NR1H4: variants seen among roughly 807,000 people sequenced by gnomAD.
The protein encoded by NR1H4 is bile acid receptor.
A neutral mutation model predicts 58.5 loss-of-function variants in NR1H4; 23 were observed. The observed-to-expected ratio is 0.39, with a 90% CI of 0.28 to 0.56. NR1H4 has a LOEUF of 0.56. Among genes scored for constraint, NR1H4 ranks in the 20% least tolerant of loss-of-function variants. The pLI, the probability that NR1H4 is intolerant of heterozygous loss-of-function variation, is 0.58. For synonymous variants in NR1H4, 214 were observed against 198.0 expected, an observed-to-expected ratio of 1.08 and a Z score of -0.68; for missense variants, 487 against 576.9, an observed-to-expected ratio of 0.84 and a Z score of 1.60.
chr12:100,545,296 C>T (rs1476196823), intron 9 of NR1H4, among the ~76,000 whole-genome samples: 2 of 151,822 alleles, frequency 1.3e-5, no homozygotes, highest in African/African-American at 4.8e-5. Context: ...GAAAAATAGT[C>T]TTCCAAAAAA....
At chr12:100,534,332 A>T (rs1173440577) in intron 5 of NR1H4, among the ~76,000 whole-genome samples, 3 of 152,258 alleles carry the variant, frequency 2.0e-5, no homozygotes, top group African/African-American at 4.8e-5. Flanking sequence ...ACAGGATTTT[A>T]AAAATTTCCC....
At chr12:100,476,473 C>T (rs1953273851) in intron 1 of NR1H4, among the ~76,000 whole-genome samples, 1 of 152,184 alleles carries the variant, frequency 6.6e-6, no homozygotes, top group Admixed American at 6.5e-5. Context: ...ACAATGAACT[C>T]TCCATGCTGC....
chr12:100,532,864 A>G (rs191312628), intron 5 of NR1H4, among the ~76,000 whole-genome samples: 2 of 152,338 alleles, frequency 1.3e-5, no homozygotes, highest in East Asian at 3.9e-4. Flanking sequence ...CAGTGGCATT[A>G]ACATACCATT....
intron 1 of NR1H4, among the ~76,000 whole-genome samples, chr12:100,482,224 A>C (rs887390262): frequency 6.6e-6 from 1 of 152,226 alleles, no homozygotes; most frequent in African/African-American, 2.4e-5. Context: ...GAGATTTCCA[A>C]TAAAAATGGT....
At chr12:100,509,921 A>G (rs773310478) in intron 3 of NR1H4, among the ~76,000 whole-genome samples, 2,622 of 152,108 alleles carry the variant, frequency 0.017, 57 homozygotes, top group African/African-American at 0.054. Context: ...GCGCGCACAC[A>G]CACACACACA....
chr12:100,555,114 T>A (rs1955293177), intron 9 of NR1H4, among the ~76,000 whole-genome samples: 1 of 152,136 alleles, frequency 6.6e-6, no homozygotes, highest in South Asian at 2.1e-4. Context: ...CTCTGGAGGG[T>A]GTGTGGGGAT....
At chr12:100,503,377 A>G in intron 3 of NR1H4, 1 of 1,595,220 alleles carries the variant, frequency 6.3e-7, no homozygotes, top group Non-Finnish European at 8.5e-7. Flanking sequence ...GTGGCTGTGA[A>G]TAAGCTAAGA....
intron 4 of NR1H4, among the ~76,000 whole-genome samples, chr12:100,521,344 A>G (rs1001745093): frequency 2.0e-5 from 3 of 152,212 alleles, no homozygotes; most frequent in African/African-American, 7.2e-5. Context: ...AATGACTGCC[A>G]CTTTCTCAGG....
At position 100,510,903 on chromosome 12, in the gene NR1H4, A is replaced by T; in HGVS notation, c.205A>T (p.Asn69Tyr). Reference sequence around the variant, plus strand: ...GATTTCCTCGTCATCCTATTATTCCAACCTGGGTTTCTACCCCCAGCAGCC... The same window carrying T: ...GATTTCCTCGTCATCCTATTATTCCTACCTGGGTTTCTACCCCCAGCAGCC... ...PQISSSSYYS[N>Y]LGFYPQQPEE... Residue 69 changes from asparagine (N) to tyrosine (Y), a missense_variant, in exon 4 of 11, where the codon AAC becomes TAC. Transcript: ENST00000392986. The T allele has an allele frequency of 6.2e-7, 1 of 1,614,186 alleles. No individual in the cohort carries two copies. Among genetic ancestry groups the T allele is most frequent in the Non-Finnish European group, 8.5e-7 (1 of 1,180,026 alleles).
rs1325039338 is a variant in NR1H4 at position 100,547,824 on chromosome 12, G to A, written c.1078+7006G>A. On this transcript the variant is annotated intron_variant, in intron 9 of 10. Transcript: ENST00000392986. ...CAACCTCCGCCTCCTGGGTTCAAGC[G>A]ATTCTCCTGCCTCAGCCTCCCAAGT... Among the ~76,000 whole-genome samples, 4 of 151,706 alleles carry A rather than the reference G, an allele frequency of 2.6e-5. No individual in the cohort carries two copies. The South Asian group carries it at 6.3e-4, about 24-fold the overall frequency.
intron 4 of NR1H4, among the ~76,000 whole-genome samples, chr12:100,522,539 A>G (rs1275091809): frequency 6.6e-6 from 1 of 151,870 alleles, no homozygotes; most frequent in African/African-American, 2.4e-5. Flanking sequence ...CACTCTTTTT[A>G]AAAAGTTTTT....
chr12:100,496,815 A>G (rs573772067), intron 3 of NR1H4, among the ~76,000 whole-genome samples: 25 of 152,306 alleles, frequency 1.6e-4, no homozygotes, highest in Middle Eastern at 3.4e-3. Context: ...AGACAAATAC[A>G]GACAAGCACT....
At chr12:100,547,544 G>T (rs1007228374) in intron 9 of NR1H4, among the ~76,000 whole-genome samples, 1 of 152,060 alleles carries the variant, frequency 6.6e-6, no homozygotes, top group Non-Finnish European at 1.5e-5. Context: ...ACCTGTTGAG[G>T]CAAGTGGTGT....
chr12:100,498,146 A>C (rs1327785840), intron 3 of NR1H4, among the ~76,000 whole-genome samples: 1 of 152,216 alleles, frequency 6.6e-6, no homozygotes, highest in Non-Finnish European at 1.5e-5. Context: ...GGGAGGAAGG[A>C]ATGGGCTGTG....
At chr12:100,558,349 CAAAAAAAAAAAAAAAAAA>C (rs10617220) in intron 9 of NR1H4, among the ~76,000 whole-genome samples, 2 of 79,966 alleles carry the variant, frequency 2.5e-5, no homozygotes, top group Non-Finnish European at 4.6e-5. Flanking sequence ...GATTCCATCT[CAAAAAAAAAAAAAAAAAA>C]AAAAAAAAAG....
rs768901768 is a variant in NR1H4, at chr12:100,536,517, A to G, written c.738A>G (p.Lys246=). 6.2e-7 allele frequency: 1 copy of G among 1,601,640 alleles called. No homozygotes were observed. Among genetic ancestry groups the G allele is most frequent in the South Asian group, 1.1e-5 (1 of 90,744 alleles). Residue 246 remains lysine (K), a synonymous_variant, in exon 7 of 11, where the codon AAA becomes AAG. Transcript: ENST00000392986. ...VTSTTKSCRE[K]TELTPDQQTL... The stretch of plus-strand genomic sequence containing the variant: ...TTATTTTCTTGCCAGTGTAGGAGAA[A>G]ACTGAACTCACCCCAGATCAACAGA...
chr12:100,534,815 T>G, intron 5 of NR1H4, 75 bp from the exon 6 acceptor site: 3 of 1,540,682 alleles, frequency 1.9e-6, no homozygotes, highest in Non-Finnish European at 2.7e-6. Flanking sequence ...GCCAGGTACA[T>G]ATCAGTGGTT....
Position 100,560,390 on chromosome 12 carries a change from A to G in NR1H4, c.1079-1495A>G, listed in dbSNP as rs562427236. On this transcript the variant is annotated intron_variant, in intron 9 of 10. Coordinates refer to ENST00000392986, the MANE Select transcript of NR1H4 (RefSeq NM_001206979.2). The stretch of plus-strand genomic sequence containing the variant: ...CACTCTTTGGGTCCACGCTGCTTTT[A>G]TGAGTTGTAACACTCACTGCGAAGA... 4.8e-5 allele frequency among the ~76,000 whole-genome samples: 7 copies of G among 146,244 alleles called. No homozygotes were observed. The South Asian group carries it at 1.4e-3, about 29-fold the overall frequency.
At chr12:100,521,851 T>C (rs2136199663) in intron 4 of NR1H4, among the ~76,000 whole-genome samples, 1 of 152,340 alleles carries the variant, frequency 6.6e-6, no homozygotes, top group South Asian at 2.1e-4. Flanking sequence ...AATTTAATAA[T>C]GATCCTAATG....
Sources: allele counts gnomAD v4.1 joint callset (sites outside exome capture counted in the v4.1 genomes callset), GRCh38; gene constraint gnomAD v4.1.1; transcripts MANE v1.5; gene names NCBI Gene and HGNC (gene_info 2026-07-23, HGNC 2026-07-21).